GLCE: variants seen among roughly 807,000 people sequenced by gnomAD.
The protein encoded by GLCE is glucuronic acid epimerase.
In GLCE, 19 loss-of-function variants were observed where a neutral mutation model predicts 47.9. That is an observed-to-expected ratio of 0.40 (90% CI 0.28 to 0.58). The LOEUF (loss-of-function observed/expected upper bound fraction) is 0.58. Ranked by LOEUF, GLCE falls within the 20% of genes least tolerant of loss-of-function variation. The pLI, the probability that GLCE is intolerant of heterozygous loss-of-function variation, is 0.48. For synonymous variants in GLCE, 245 were observed against 263.4 expected (o/e 0.93, Z 0.68); for missense variants, 556 against 743.3 (o/e 0.75, Z 2.93).
Position 69,268,338 on chromosome 15 carries a change from T to C in GLCE, c.948T>C (p.Asn316=). The change falls in exon 5 of 5, where the codon AAT becomes AAC. Residue 316 remains asparagine (N), a synonymous_variant. Transcript: ENST00000261858. ...TGGTTCTAGAGACCACAGAAAAGAA[T>C]CAGCTCTTCACTATACATTATGTCT... ...VSVVLETTEK[N]QLFTIHYVSN... 6.2e-7 allele frequency: 1 copy of C among 1,613,924 alleles called. No individual in the cohort carries two copies. The highest frequency in any genetic ancestry group is 8.5e-7 in the Non-Finnish European group (1 of 1,179,792).
intron 2 of GLCE, among the ~76,000 whole-genome samples, chr15:69,253,665 A>C (rs1369053510): frequency 1.3e-5 from 2 of 152,256 alleles, no homozygotes; most frequent in African/African-American, 4.8e-5. Flanking sequence ...CTATTAAACA[A>C]GAATAGGAGG....
intron 2 of GLCE, among the ~76,000 whole-genome samples, chr15:69,240,044 A>G (rs1388920225): frequency 1.3e-5 from 2 of 152,304 alleles, no homozygotes; most frequent in East Asian, 3.9e-4. Context: ...CAACACAGAC[A>G]TGGCTGAGGC....
At chr15:69,183,498 A>G (rs866154150) in intron 1 of GLCE, among the ~76,000 whole-genome samples, 2 of 152,244 alleles carry the variant, frequency 1.3e-5, no homozygotes, top group Admixed American at 6.5e-5. Context: ...TGTGGGCTCT[A>G]GACTGATACC....
chr15:69,166,141 G>A (rs181787839), intron 1 of GLCE, among the ~76,000 whole-genome samples: 84 of 152,206 alleles, frequency 5.5e-4, no homozygotes, highest in Non-Finnish European at 9.7e-4. Flanking sequence ...TTTTTACTTG[G>A]AAAATGATAG....
intron 1 of GLCE, among the ~76,000 whole-genome samples, chr15:69,166,531 T>C (rs970721906): frequency 2.8e-4 from 42 of 152,172 alleles, no homozygotes; most frequent in Non-Finnish European, 5.1e-4. Flanking sequence ...GAAGCACACA[T>C]GCAAGAGTGG....
intron 1 of GLCE, among the ~76,000 whole-genome samples, chr15:69,179,331 C>T (rs981069745): frequency 2.2e-4 from 34 of 152,232 alleles, no homozygotes; most frequent in African/African-American, 7.5e-4. Flanking sequence ...TTGGAAAATT[C>T]GTGCAGAGAG....
At chr15:69,191,626 G>A (rs150734869) in intron 1 of GLCE, among the ~76,000 whole-genome samples, 9 of 152,278 alleles carry the variant, frequency 5.9e-5, no homozygotes, top group Non-Finnish European at 1.2e-4. Flanking sequence ...TCAGGTAAGC[G>A]TCCTCTGCCT....
chr15:69,171,399 C>CT (rs201615586), intron 1 of GLCE, among the ~76,000 whole-genome samples: 219 of 140,182 alleles, frequency 1.6e-3, no homozygotes, highest in African/African-American at 2.8e-3. Flanking sequence ...GGGATATATT[C>CT]TTTTTTTTTT....
At chr15:69,266,673 C>G (rs1566974088) in intron 4 of GLCE, 1 of 669,244 alleles carries the variant, frequency 1.5e-6, no homozygotes, top group Non-Finnish European at 1.9e-6. Context: ...TTCAAGGATT[C>G]TGCAAAGCAT....
chr15:69,209,342 T>G (rs554811482), intron 1 of GLCE, among the ~76,000 whole-genome samples: 1 of 152,244 alleles, frequency 6.6e-6, no homozygotes, highest in African/African-American at 2.4e-5. Flanking sequence ...CCTGGACATT[T>G]GACTATTATG....
intron 2 of GLCE, among the ~76,000 whole-genome samples, chr15:69,249,322 A>G (rs2052802615): frequency 6.6e-6 from 1 of 152,200 alleles, no homozygotes; most frequent in African/African-American, 2.4e-5. Context: ...AGCATAGTCT[A>G]CATAACTTTT....
At chr15:69,260,554 C>T (rs1302126965) in intron 3 of GLCE, 1 of 154,000 alleles carries the variant, frequency 6.5e-6, no homozygotes, top group Admixed American at 6.4e-5. Context: ...GCCACCGTGC[C>T]TGGCCACAAC....
chr15:69,165,362 C>G (rs183564067), intron 1 of GLCE, among the ~76,000 whole-genome samples: 1 of 152,156 alleles, frequency 6.6e-6, no homozygotes, highest in Non-Finnish European at 1.5e-5. Flanking sequence ...TGTACTAATA[C>G]GAGCAGTTTA....
chr15:69,188,987 A>G (rs570906963), intron 1 of GLCE, among the ~76,000 whole-genome samples: 49 of 152,272 alleles, frequency 3.2e-4, no homozygotes, highest in African/African-American at 1.2e-3. Flanking sequence ...AACATTTCAC[A>G]CCAGAAGTGG....
chr15:69,169,663 G>A (rs774556248), intron 1 of GLCE, among the ~76,000 whole-genome samples: 7 of 151,018 alleles, frequency 4.6e-5, no homozygotes, highest in African/African-American at 1.2e-4. Context: ...TTGTCCCTGC[G>A]ATAGTTTGCT....
At chr15:69,228,722 T>C (rs1313060884) in intron 2 of GLCE, among the ~76,000 whole-genome samples, 1 of 152,186 alleles carries the variant, frequency 6.6e-6, no homozygotes, top group Non-Finnish European at 1.5e-5. Flanking sequence ...GTCAGAGTCT[T>C]GCTGTGTTAC....
At chr15:69,197,621 A>G (rs1002234643) in intron 1 of GLCE, among the ~76,000 whole-genome samples, 1 of 152,142 alleles carries the variant, frequency 6.6e-6, no homozygotes, top group Non-Finnish European at 1.5e-5. Flanking sequence ...AAATAAGAGG[A>G]AGTCGGAGAA....
At chr15:69,206,338 A>G (rs550259649) in intron 1 of GLCE, among the ~76,000 whole-genome samples, 6 of 152,158 alleles carry the variant, frequency 3.9e-5, no homozygotes, top group African/African-American at 1.2e-4. Context: ...GGTACTGTTT[A>G]TCAGATTTCC....
At chr15:69,207,478 T>G (rs2052168711) in intron 1 of GLCE, among the ~76,000 whole-genome samples, 1 of 152,138 alleles carries the variant, frequency 6.6e-6, no homozygotes, top group Non-Finnish European at 1.5e-5. Flanking sequence ...TTTTCCATTG[T>G]GTCATCTGAA....
Sources: allele counts gnomAD v4.1 joint callset (sites outside exome capture counted in the v4.1 genomes callset), GRCh38; gene constraint gnomAD v4.1.1; transcripts MANE v1.5; gene names NCBI Gene and HGNC (gene_info 2026-07-23, HGNC 2026-07-21).